The following SUGP1 variants were observed in gnomAD, a reference collection of about 807,000 sequenced individuals.
The protein encoded by SUGP1 is SURP and G-patch domain-containing protein 1.
Under a neutral mutation model 76.5 loss-of-function variants are expected in SUGP1, and 34 were observed. The observed-to-expected ratio is 0.44, with a 90% confidence interval of 0.34 to 0.59. The LOEUF (loss-of-function observed/expected upper bound fraction) is 0.59. Among genes scored for constraint, SUGP1 ranks in the 20% least tolerant of loss-of-function variants. The pLI, the probability that SUGP1 is intolerant of heterozygous loss-of-function variation, is 0.01. For synonymous variants in SUGP1, 326 were observed against 326.2 expected, an observed-to-expected ratio of 1.00 and a Z score of 0.01; for missense variants, 752 against 851.7, an observed-to-expected ratio of 0.88 and a Z score of 1.46.
intron 6 of SUGP1, among the ~76,000 whole-genome samples, chr19:19,302,617 G>C (rs1045585882): frequency 1.3e-5 from 2 of 152,054 alleles, no homozygotes; most frequent in African/African-American, 4.8e-5. Flanking sequence ...AAGAGGGCCT[G>C]GGACATGAGC....
At chr19:19,304,198 T>G (rs1379859987) in intron 4 of SUGP1, among the ~76,000 whole-genome samples, 2 of 152,212 alleles carry the variant, frequency 1.3e-5, no homozygotes, top group African/African-American at 4.8e-5. Flanking sequence ...CCTTTCATCC[T>G]TCAAAGATGA....
chr19:19,287,136 G>A (rs2061146699), intron 8 of SUGP1, among the ~76,000 whole-genome samples: 1 of 152,024 alleles, frequency 6.6e-6, no homozygotes, highest in Admixed American at 6.6e-5. Context: ...AGCTAGGCAT[G>A]GGCACACACT....
intron 2 of SUGP1, among the ~76,000 whole-genome samples, chr19:19,315,338 A>T (rs1236816921): frequency 6.6e-6 from 1 of 152,008 alleles, no homozygotes; most frequent in Non-Finnish European, 1.5e-5. Flanking sequence ...AAAGAAAAAA[A>T]AAAAGGAAAA....
chr19:19,302,136 A>T, intron 7 of SUGP1, 129 bp downstream of exon 7: 1 of 1,422,028 alleles, frequency 7.0e-7, no homozygotes, highest in Non-Finnish European at 9.6e-7. Context: ...GGGGTCAGAG[A>T]CTCTTGGACC....
At chr19:19,319,816 G>GT (rs1034044789) in intron 1 of SUGP1, among the ~76,000 whole-genome samples, 7 of 151,150 alleles carry the variant, frequency 4.6e-5, no homozygotes, top group Admixed American at 4.6e-4. Context: ...CACATCATAC[G>GT]TAAGTTTTTG....
chr19:19,291,982 G>A (rs1031988889), intron 8 of SUGP1, among the ~76,000 whole-genome samples: 1 of 149,780 alleles, frequency 6.7e-6, no homozygotes, highest in African/African-American at 2.5e-5. Context: ...ACATTTAAAA[G>A]AAGAAATAAG....
chr19:19,307,615 TG>T (rs2061326444), intron 3 of SUGP1, among the ~76,000 whole-genome samples: 1 of 152,034 alleles, frequency 6.6e-6, no homozygotes, highest in African/African-American at 2.4e-5. Context: ...AGTTACTTCC[TG>T]TAAGAAAGGG....
chr19:19,307,916 C>T (rs142000717), intron 3 of SUGP1, among the ~76,000 whole-genome samples: 63 of 152,302 alleles, frequency 4.1e-4, no homozygotes, highest in Middle Eastern at 6.8e-3. Flanking sequence ...CCACCCGCCT[C>T]GGCCTCCCAA....
chr19:19,310,255 C>T, intron 2 of SUGP1, 55 bp from the exon 3 acceptor site: 2 of 1,353,606 alleles, frequency 1.5e-6, no homozygotes, highest in South Asian at 2.3e-5. Flanking sequence ...GGAGTGAGGG[C>T]ACCAGAGGAC....
intron 6 of SUGP1, 139 bp from the exon 7 acceptor site, chr19:19,302,527 A>G: frequency 8.1e-7 from 1 of 1,237,350 alleles, no homozygotes; most frequent in Non-Finnish European, 1.1e-6. Flanking sequence ...TCAGATTACT[A>G]CACTGGGACC....
At chr19:19,294,693 T>C (rs2061211731) in intron 8 of SUGP1, among the ~76,000 whole-genome samples, 1 of 151,754 alleles carries the variant, frequency 6.6e-6, no homozygotes, top group Non-Finnish European at 1.5e-5. Flanking sequence ...TTCATTAAAA[T>C]TCCATTTCTA....
chr19:19,314,600 T>A (rs997299985), intron 2 of SUGP1, among the ~76,000 whole-genome samples: 1 of 152,156 alleles, frequency 6.6e-6, no homozygotes, highest in Non-Finnish European at 1.5e-5. Flanking sequence ...CCTGCCCCCA[T>A]ACTCACACCC....
chr19:19,308,686 C>A (rs1421892625), intron 3 of SUGP1, among the ~76,000 whole-genome samples: 3 of 152,242 alleles, frequency 2.0e-5, no homozygotes, highest in African/African-American at 7.2e-5. Context: ...GACCTGCTCA[C>A]CCCTGCTGGT....
At chr19:19,278,869 G>A in intron 10 of SUGP1, 73 bp from the exon 11 acceptor site, 2 of 1,480,170 alleles carry the variant, frequency 1.4e-6, no homozygotes, top group East Asian at 2.4e-5. Flanking sequence ...GGCTCCCAGG[G>A]CACAGGTATG....
At position 19,306,084 on chromosome 19, in the gene SUGP1, A is replaced by G. The variant is rs1229896504; in HGVS notation, c.311-8T>C. On this transcript the variant is annotated splice_region_variant and splice_polypyrimidine_tract_variant and intron_variant, in intron 3 of 13. Transcript: ENST00000247001. ...GCGCACTGGTCGGGGCGTCTGGTAT[A>G]GAAGGAAGGATATGCGCACTCGGGA... 6.4e-7 allele frequency: 1 copy of G among 1,571,532 alleles called. No individual in the cohort carries two copies. The highest frequency in any genetic ancestry group is 8.6e-7 in the Non-Finnish European group (1 of 1,158,722).
rs540216413 is a variant in SUGP1, at chr19:19,299,603, C to T, written c.888-2259G>A. Among the ~76,000 whole-genome samples, 4 of 149,340 alleles carry T rather than the reference C, an allele frequency of 2.7e-5. No individual in the cohort carries two copies. The South Asian group carries it at 6.3e-4, about 24-fold the overall frequency. On this transcript the variant is annotated intron_variant, in intron 7 of 13. Coordinates refer to ENST00000247001, the MANE Select transcript of SUGP1 (RefSeq NM_172231.4). ...TTCACTGTGTTAGCCAGGATGGTCTCGATCTCCTGACCTCGTGATCCACCC... is the reference window on the plus strand; with the variant it reads ...TTCACTGTGTTAGCCAGGATGGTCTTGATCTCCTGACCTCGTGATCCACCC...
At chr19:19,282,993 T>C (rs896952540) in intron 8 of SUGP1, among the ~76,000 whole-genome samples, 6 of 151,162 alleles carry the variant, frequency 4.0e-5, no homozygotes, top group Admixed American at 6.6e-5. Context: ...AGGAGAATGG[T>C]GTGAACCCGG....
chr19:19,311,311 CAT>C (rs933831735), intron 2 of SUGP1, among the ~76,000 whole-genome samples: 1 of 148,768 alleles, frequency 6.7e-6, no homozygotes, highest in African/African-American at 2.5e-5. Flanking sequence ...TTGTTAAAAA[CAT>C]ATTTTTTAAA....
intron 8 of SUGP1, among the ~76,000 whole-genome samples, chr19:19,287,763 C>A (rs1197049854): frequency 2.0e-5 from 3 of 152,122 alleles, no homozygotes; most frequent in Non-Finnish European, 4.4e-5. Context: ...TTTCTGACTT[C>A]TTTTATGACA....
Sources: allele counts gnomAD v4.1 joint callset (sites outside exome capture counted in the v4.1 genomes callset), GRCh38; gene constraint gnomAD v4.1.1; transcripts MANE v1.5; gene names NCBI Gene and HGNC (gene_info 2026-07-23, HGNC 2026-07-21).